The following CUL3 variants were observed in gnomAD, a reference collection of about 807,000 sequenced individuals.
CUL3 encodes cullin-3.
Under a neutral mutation model 89.1 loss-of-function variants are expected in CUL3, and 19 were observed. The ratio of observed to expected loss-of-function variants is 0.21; its 90% confidence interval spans 0.15 to 0.31. The LOEUF (loss-of-function observed/expected upper bound fraction) is 0.31, where lower values mean the gene tolerates loss of function less well. Among genes scored for constraint, CUL3 ranks in the 10% least tolerant of loss-of-function variants. The probability of loss-of-function intolerance (pLI) is 1.00; values close to 1 mark genes in which losing one functional copy is unlikely to be tolerated. For missense variants in CUL3, 469 were observed against 942.3 expected, an observed-to-expected ratio of 0.50 and a Z score of 6.58; for synonymous variants, 351 against 308.4, an observed-to-expected ratio of 1.14 and a Z score of -1.45.
At chr2:224,486,605 A>G (rs1658917694) in intron 13 of CUL3, among the ~76,000 whole-genome samples, 1 of 152,152 alleles carries the variant, frequency 6.6e-6, no homozygotes, top group African/African-American at 2.4e-5. Context: ...CCTCTAAGAA[A>G]TATGGGACTA....
At chr2:224,480,554 A>C (rs1224130124) in intron 14 of CUL3, among the ~76,000 whole-genome samples, 1 of 152,206 alleles carries the variant, frequency 6.6e-6, no homozygotes, top group Non-Finnish European at 1.5e-5. Flanking sequence ...TGCACACTTA[A>C]CACGAAAATC....
chr2:224,522,023 T>C (rs1693284733), intron 3 of CUL3, among the ~76,000 whole-genome samples: 1 of 149,746 alleles, frequency 6.7e-6, no homozygotes, highest in Non-Finnish European at 1.5e-5. Flanking sequence ...CTTATTCTGC[T>C]AGTAAGCTAG....
chr2:224,506,141 T>TA lies in CUL3; in HGVS notation c.1030-10dup. 1 of 1,550,544 alleles carries TA rather than the reference T, an allele frequency of 6.4e-7. No homozygotes were observed. Among genetic ancestry groups the TA allele is most frequent in the South Asian group, 1.3e-5 (1 of 78,842 alleles). On this transcript the variant is annotated splice_polypyrimidine_tract_variant and intron_variant, in intron 7 of 15. Transcript: ENST00000264414. ...TTCAGATCCAATAAGCCCTTAGAAA[T>TA]AAAAACAAAATTTAGGACACATTAT...
intron 13 of CUL3, among the ~76,000 whole-genome samples, chr2:224,494,210 T>A (rs1692083860): frequency 6.6e-6 from 1 of 152,206 alleles, no homozygotes; most frequent in African/African-American, 2.4e-5. Context: ...GCTCTTAATT[T>A]CAAACACACT....
intron 3 of CUL3, among the ~76,000 whole-genome samples, chr2:224,515,678 C>T (rs1407340404): frequency 6.6e-6 from 1 of 151,192 alleles, no homozygotes; most frequent in Non-Finnish European, 1.5e-5. Context: ...CAGAATAATA[C>T]TAATCAACTT....
rs1694853038 is a variant in CUL3 at position 224,560,000 on chromosome 2, T to C, written c.67-2144A>G. ...AGTGGGGCTGAGGCGGGAGGATCGC[T>C]TGAGCCCGGGAGGTCGAGGCTGCAG... On this transcript the variant is annotated intron_variant, in intron 1 of 15. Transcript: ENST00000264414. 3.3e-5 allele frequency among the ~76,000 whole-genome samples: 5 copies of C among 152,066 alleles called. No homozygotes were observed. The South Asian group carries it at 1.0e-3, about 32-fold the overall frequency.
Position 224,585,101 on chromosome 2 carries a change from T to TGGGGGC in CUL3, c.-98_-93dup, listed in dbSNP as rs1429104681. 26 of 1,045,142 alleles carry TGGGGGC rather than the reference T, an allele frequency of 2.5e-5. No individual in the cohort carries two copies. The highest frequency in any genetic ancestry group is 6.9e-5 in the Admixed American group (2 of 29,190). The allele number at this position is 1,045,142 out of a possible 1,614,324, so 64.7% of individuals were successfully genotyped here. ...CGGGCAGGCAGGCTAGGGGCGACGC[T>TGGGGGC]GGGGGCGGCGGCGGCGCGACCCCCG... On this transcript the variant is annotated 5_prime_UTR_variant, in exon 1 of 16. Coordinates refer to ENST00000264414, the MANE Select transcript of CUL3 (RefSeq NM_003590.5).
chr2:224,551,506 A>ATTT (rs374647901), intron 2 of CUL3, among the ~76,000 whole-genome samples: 5 of 139,628 alleles, frequency 3.6e-5, no homozygotes, highest in South Asian at 2.3e-4. Context: ...CGCCTGGTCA[A>ATTT]TTTTTTTTTT....
intron 5 of CUL3, among the ~76,000 whole-genome samples, chr2:224,511,936 T>A (rs13024297): frequency 0.18 from 28,091 of 152,136 alleles, 2,940 homozygotes; most frequent in South Asian, 0.27. Context: ...TTTGTTTTAA[T>A]GTAAAATTAT....
At chr2:224,563,658 T>C (rs1337710013) in intron 1 of CUL3, among the ~76,000 whole-genome samples, 3 of 152,246 alleles carry the variant, frequency 2.0e-5, no homozygotes, top group Admixed American at 6.5e-5. Context: ...TGCCATTTTA[T>C]GTAGTATGAT....
At position 224,514,781 on chromosome 2, in the gene CUL3, A is replaced by G; in HGVS notation, c.379-9T>C. ...TGTACATACACACGGTCCTACAGTT[A>G]AAGTCATATAAATATGAGTACAGTT... On this transcript the variant is annotated splice_polypyrimidine_tract_variant and intron_variant, in intron 3 of 15. Transcript: ENST00000264414. 1.3e-6 allele frequency: 2 copies of G among 1,588,460 alleles called. No homozygotes were observed. Among genetic ancestry groups the G allele is most frequent in the Non-Finnish European group, 1.7e-6 (2 of 1,157,938 alleles).
intron 3 of CUL3, among the ~76,000 whole-genome samples, chr2:224,521,553 C>T (rs889395871): frequency 2.0e-5 from 3 of 151,936 alleles, no homozygotes; most frequent in South Asian, 2.1e-4. Context: ...GCCTCAGCCC[C>T]GCTAGTAGCT....
At chr2:224,544,995 G>C (rs186002107) in intron 2 of CUL3, among the ~76,000 whole-genome samples, 1 of 152,196 alleles carries the variant, frequency 6.6e-6, no homozygotes, top group Admixed American at 6.5e-5. Context: ...TGAATGACTG[G>C]AAGGAACTCT....
rs771609373 is a variant in CUL3, at chr2:224,500,371, T to A, written c.1602A>T (p.Ile534=). The change falls in exon 11 of 16, where the codon ATA becomes ATT. Residue 534 remains isoleucine (I), a synonymous_variant. Transcript: ENST00000264414. ...GTCTGATTTTGATTTACCTTCTGAATATCTCAAAAGCATGTCTTGGTGCTG... is the reference window on the plus strand; with the variant it reads ...GTCTGATTTTGATTTACCTTCTGAAAATCTCAAAAGCATGTCTTGGTGCTG... ...IPPAPRHAFE[I]FRRFYLAKHS... is the part of the protein sequence containing the mutation. 6.2e-7 allele frequency: 1 copy of A among 1,614,106 alleles called. No homozygotes were observed. Among genetic ancestry groups the A allele is most frequent in the Non-Finnish European group, 8.5e-7 (1 of 1,179,964 alleles).
chr2:224,485,064 C>A lies in CUL3; in HGVS notation c.1843-2986G>T, dbSNP rs1691665903. The A allele has an allele frequency of 6.6e-6, 1 of 152,290 alleles. No homozygotes were observed. The highest frequency in any genetic ancestry group is 1.5e-5 in the Non-Finnish European group (1 of 68,122). The allele number at this position is 152,290 out of a possible 1,614,324, so 9.4% of individuals were successfully genotyped here. On this transcript the variant is annotated intron_variant, in intron 13 of 15. Coordinates refer to ENST00000264414, the MANE Select transcript of CUL3 (RefSeq NM_003590.5). The surrounding 1 kb of genome is among the most constrained non-coding windows in gnomAD (Gnocchi z 4.1). ...CTCCCTCCCCTAGCCAAGGGAAGCC[C>A]TGAGGGACTGTGCTATCTGGCCCAA...
At chr2:224,571,627 A>C (rs1695183114) in intron 1 of CUL3, among the ~76,000 whole-genome samples, 1 of 150,972 alleles carries the variant, frequency 6.6e-6, no homozygotes, top group South Asian at 2.1e-4. Flanking sequence ...AGTCTGTTTA[A>C]AACTTTCCTA....
intron 2 of CUL3, among the ~76,000 whole-genome samples, chr2:224,546,690 A>G (rs937579670): frequency 6.6e-6 from 1 of 152,124 alleles, no homozygotes; most frequent in African/African-American, 2.4e-5. Flanking sequence ...TTGCCCTCAA[A>G]GTACAGTCTA....
intron 2 of CUL3, among the ~76,000 whole-genome samples, chr2:224,544,752 C>A (rs1694239600): frequency 6.7e-6 from 1 of 149,954 alleles, no homozygotes; most frequent in African/African-American, 2.5e-5. Flanking sequence ...AAGTGGCTTA[C>A]TAGATAAAGT....
At chr2:224,505,148 T>TTC in intron 8 of CUL3, among the ~76,000 whole-genome samples, 1 of 151,802 alleles carries the variant, frequency 6.6e-6, no homozygotes, top group East Asian at 1.9e-4. Context: ...GTTTTTTTTT[T>TTC]TTTTTTGAGA....
Sources: gnomAD v4.1 joint callset for allele counts (sites outside exome capture counted in the v4.1 genomes callset) on GRCh38, gnomAD v4.1.1 for gene constraint, Gnocchi (gnomAD v3.1) non-coding constraint, MANE v1.5 for transcripts, NCBI Gene and HGNC (gene_info 2026-07-23, HGNC 2026-07-21) for gene names.